Variants in DYNC2H1 observed in about 807,000 individuals in gnomAD.
DYNC2H1 encodes dynein cytoplasmic 2 heavy chain 1, also known as cytoplasmic dynein 2 heavy chain 1.
DYNC2H1 carries 410 observed loss-of-function variants against 570.0 expected under a neutral mutation model. That is an observed-to-expected ratio of 0.72 (90% CI 0.66 to 0.78). The LOEUF (loss-of-function observed/expected upper bound fraction) is 0.78. Among genes scored for constraint, DYNC2H1 ranks in the 30% least tolerant of loss-of-function variants. DYNC2H1 has a pLI of 0.00. For missense variants in DYNC2H1, 4,865 were observed against 5,046.4 expected, an observed-to-expected ratio of 0.96 and a Z score of 1.09; for synonymous variants, 1,688 against 1,677.6, an observed-to-expected ratio of 1.01 and a Z score of -0.15.
At chr11:103,171,813 A>G (rs1861584779) in intron 34 of DYNC2H1, among the ~76,000 whole-genome samples, 1 of 152,132 alleles carries the variant, frequency 6.6e-6, no homozygotes, top group African/African-American at 2.4e-5. Flanking sequence ...CTAATTCTGA[A>G]GCACATTTTT....
intron 73 of DYNC2H1, 49 bp from the exon 74 acceptor site, chr11:103,286,206 G>C (rs1304015125): frequency 1.3e-6 from 2 of 1,590,506 alleles, no homozygotes; most frequent in Admixed American, 3.7e-5. Context: ...AAATGTATGT[G>C]CTTATATTTG....
chr11:103,389,594 G>A (rs1360244369), intron 83 of DYNC2H1, among the ~76,000 whole-genome samples: 3 of 152,084 alleles, frequency 2.0e-5, no homozygotes, highest in Admixed American at 6.6e-5. Context: ...ATGTTAGGGT[G>A]TCAATTTTGG....
At chr11:103,349,202 G>A (rs891725144) in intron 82 of DYNC2H1, among the ~76,000 whole-genome samples, 23 of 152,156 alleles carry the variant, frequency 1.5e-4, no homozygotes, top group Non-Finnish European at 2.9e-4. Flanking sequence ...CCTAGTAGTG[G>A]AATGGCTAGA....
intron 72 of DYNC2H1, among the ~76,000 whole-genome samples, chr11:103,282,489 T>C (rs1281324989): frequency 1.3e-5 from 2 of 152,032 alleles, no homozygotes; most frequent in African/African-American, 2.4e-5. Flanking sequence ...TGTATTTTAT[T>C]CCAAGGATAT....
chr11:103,185,962 TAAG>T lies in DYNC2H1; in HGVS notation c.6634-277_6634-275del, dbSNP rs1017055960. ...TCTGTACTTTGTGATTTAATGTTAA[TAAG>T]AACTCCATTAAAATGGAATATATTT... On this transcript the variant is annotated intron_variant, in intron 41 of 88. Coordinates refer to ENST00000375735, the MANE Select transcript of DYNC2H1 (RefSeq NM_001377.3). This position sits in a 1 kb window ranked among gnomAD's most constrained non-coding sequence, Gnocchi z 4.5. Among the ~76,000 whole-genome samples the T allele has an allele frequency of 4.6e-5, 7 of 151,986 alleles. No individual in the cohort carries two copies. Among genetic ancestry groups the T allele is most frequent in the African/African-American group, 1.7e-4 (7 of 41,418 alleles).
chr11:103,232,830 A>T (rs1864068617), intron 60 of DYNC2H1, among the ~76,000 whole-genome samples: 1 of 152,030 alleles, frequency 6.6e-6, no homozygotes, highest in South Asian at 2.1e-4. Context: ...GCAGCTTTCC[A>T]TTTCCAGGTT....
In DYNC2H1 at chr11:103,254,155, A is replaced by G. The variant is rs1342194268; in HGVS notation, c.10206+707A>G. Among the ~76,000 whole-genome samples, 2 of 152,148 alleles carry G rather than the reference A, an allele frequency of 1.3e-5. No individual in the cohort carries two copies. The highest frequency in any genetic ancestry group is 4.8e-5 in the African/African-American group (2 of 41,446). On this transcript the variant is annotated intron_variant, in intron 66 of 88. Transcript: ENST00000375735. The surrounding 1 kb of genome is among the most constrained non-coding windows in gnomAD (Gnocchi z 4.9). ...GTCCTTTCAAAATATTTCTTTGTAT[A>G]CCATATGACTCATCAAGTATATTTT...
Position 103,129,090 on chromosome 11 carries a change from A to G in DYNC2H1, c.1953+85A>G. 8.9e-7 allele frequency: 1 copy of G among 1,129,668 alleles called. No homozygotes were observed. Among genetic ancestry groups the G allele is most frequent in the South Asian group, 1.6e-5 (1 of 62,096 alleles). The allele number at this position is 1,129,668 out of a possible 1,614,324, so 70.0% of individuals were successfully genotyped here. ...ATTTTCCGGTGTTCCCTTCAGCTTA[A>G]TATATCAAATGATCTAGATTTTGTT... On this transcript the variant is annotated intron_variant, in intron 13 of 88. Transcript: ENST00000375735. This position sits in a 1 kb window ranked among gnomAD's most constrained non-coding sequence, Gnocchi z 4.1.
At chr11:103,146,219 C>T (rs1419393058) in intron 18 of DYNC2H1, among the ~76,000 whole-genome samples, 1 of 152,096 alleles carries the variant, frequency 6.6e-6, no homozygotes, top group East Asian at 1.9e-4. Flanking sequence ...GTAATTAAAA[C>T]ATATAATTTG....
Position 103,163,175 on chromosome 11 carries a change from A to T in DYNC2H1, c.4611+28A>T, listed in dbSNP as rs370077478. 60 of 1,597,020 alleles carry T rather than the reference A, an allele frequency of 3.8e-5. No homozygotes were observed. In the African/African-American group the frequency reaches 7.8e-4, roughly 21 times the overall value. ...AAGGGGGCTTACGTGTAGAAGCTAC[A>T]TAGGCATGGAACGTGGAAAGATCCC... On this transcript the variant is annotated intron_variant, in intron 30 of 88. Coordinates refer to ENST00000375735, the MANE Select transcript of DYNC2H1 (RefSeq NM_001377.3). This position sits in a 1 kb window ranked among gnomAD's most constrained non-coding sequence, Gnocchi z 4.6.
At position 103,461,029 on chromosome 11, in the gene DYNC2H1, A is replaced by AT; in HGVS notation, c.12648+4676dup. 6.6e-6 allele frequency among the ~76,000 whole-genome samples: 1 copy of AT among 152,170 alleles called. No individual in the cohort carries two copies. The highest frequency in any genetic ancestry group is 1.5e-5 in the Non-Finnish European group (1 of 68,034). ...TTTAAAAGCCATCTCTACATATGAGATTTAAGATAACTCGACAGAACTTTT... is the reference window on the plus strand; with the variant it reads ...TTTAAAAGCCATCTCTACATATGAGATTTTAAGATAACTCGACAGAACTTTT... On this transcript the variant is annotated intron_variant, in intron 87 of 88. Transcript: ENST00000375735. This position sits in a 1 kb window ranked among gnomAD's most constrained non-coding sequence, Gnocchi z 4.8.
Position 103,316,634 on chromosome 11 carries a change from A to C in DYNC2H1, c.11725+14A>C. 6.7e-7 allele frequency: 1 copy of C among 1,488,234 alleles called. No individual in the cohort carries two copies. Among genetic ancestry groups the C allele is most frequent in the Non-Finnish European group, 8.9e-7 (1 of 1,118,654 alleles). 92.2% of individuals were successfully genotyped at this position (1,488,234 alleles called of 1,614,324 possible). A position where few individuals can be genotyped will look rare whatever the true frequency, so the allele number is the denominator to read the frequency against. Reference sequence around the variant, plus strand: ...GACTTTTTGATGGTAAGTTCTAACAAAAATTTTAATCTCATATTAATAAAA... The same window carrying C: ...GACTTTTTGATGGTAAGTTCTAACACAAATTTTAATCTCATATTAATAAAA... On this transcript the variant is annotated intron_variant, in intron 80 of 88. Transcript: ENST00000375735.
intron 82 of DYNC2H1, among the ~76,000 whole-genome samples, chr11:103,332,719 C>G (rs909382979): frequency 6.6e-6 from 1 of 152,100 alleles, no homozygotes; most frequent in African/African-American, 2.4e-5. Context: ...AAGTCTTTCT[C>G]GGCTGGGCAC....
chr11:103,155,171 C>A (rs993919404), intron 24 of DYNC2H1, among the ~76,000 whole-genome samples, 160 bp from the exon 25 acceptor site: 2 of 151,884 alleles, frequency 1.3e-5, no homozygotes, highest in South Asian at 4.2e-4. Context: ...AAGCTTTATA[C>A]AATTCTGTTT....
At chr11:103,197,890 A>G (rs750581706) in intron 47 of DYNC2H1, 43 bp from the exon 48 acceptor site, 5 of 1,542,356 alleles carry the variant, frequency 3.2e-6, no homozygotes, top group South Asian at 2.4e-5. Context: ...AACTCTCATT[A>G]CGAGTAATGC....
rs559667878 is a variant in DYNC2H1, at chr11:103,459,077, A to C, written c.12648+2721A>C. ...GTAATCCCAGCACTTTGGGAGGCCG[A>C]GGCGGGCGGATCACGAGGTCAGGAG... is the stretch of plus-strand genomic sequence containing the variant. On this transcript the variant is annotated intron_variant, in intron 87 of 88. Coordinates refer to ENST00000375735, the MANE Select transcript of DYNC2H1 (RefSeq NM_001377.3). Among the ~76,000 whole-genome samples the C allele has an allele frequency of 9.5e-3, 1,445 of 151,748 alleles. 15 individuals carry two copies. The highest frequency in any genetic ancestry group is 0.033 in the African/African-American group (1,366 of 41,424).
chr11:103,415,846 C>T (rs529444615), intron 84 of DYNC2H1, among the ~76,000 whole-genome samples: 14 of 152,228 alleles, frequency 9.2e-5, no homozygotes, highest in East Asian at 3.9e-4. Context: ...AAGACACATG[C>T]GCACATATGT....
At chr11:103,384,812 C>A (rs1331736990) in intron 83 of DYNC2H1, among the ~76,000 whole-genome samples, 1 of 151,998 alleles carries the variant, frequency 6.6e-6, no homozygotes, top group East Asian at 1.9e-4. Flanking sequence ...TTGTATTGTT[C>A]TTTATTTCTT....
chr11:103,469,606 A>G (rs1231243761), intron 88 of DYNC2H1, among the ~76,000 whole-genome samples: 2 of 152,216 alleles, frequency 1.3e-5, no homozygotes, highest in Non-Finnish European at 2.9e-5. Flanking sequence ...GCAGTTAGCA[A>G]CATTGCCAAG....
Sources: gnomAD v4.1 joint callset for allele counts (sites outside exome capture counted in the v4.1 genomes callset) on GRCh38, gnomAD v4.1.1 for gene constraint, Gnocchi (gnomAD v3.1) non-coding constraint, MANE v1.5 for transcripts, NCBI Gene and HGNC (gene_info 2026-07-23, HGNC 2026-07-21) for gene names.